TFIP11: variants seen among roughly 807,000 people sequenced by gnomAD.
TFIP11 encodes the protein tuftelin interacting protein 11, also known as tuftelin-interacting protein 11.
Under a neutral mutation model 96.8 loss-of-function variants are expected in TFIP11, and 86 were observed. The ratio of observed to expected loss-of-function variants is 0.89; its 90% CI spans 0.75 to 1.06. The LOEUF is 1.06. TFIP11 is among the 50% of genes least tolerant of loss of function. The probability of loss-of-function intolerance (pLI) is 0.00; values close to 1 mark genes in which losing one functional copy is unlikely to be tolerated. For missense variants in TFIP11, 881 were observed against 1,076.7 expected (o/e 0.82, Z 2.54); for synonymous variants, 405 against 395.2 (o/e 1.02, Z -0.29).
chr22:26,507,741 A>G (rs1923593036), intron 4 of TFIP11, among the ~76,000 whole-genome samples: 1 of 152,178 alleles, frequency 6.6e-6, no homozygotes, highest in Non-Finnish European at 1.5e-5. Context: ...TCAAGTACTT[A>G]CATTAAGCCA....
At position 26,499,161 on chromosome 22, in the gene TFIP11, A is replaced by G. The variant is rs145515859; in HGVS notation, c.1272T>C (p.Ala424=). ...TCATGAGTGGATAGACGATGGCCACAGCAAGGTCCACACGGTCGGACATCC... is the reference window on the plus strand; with the variant it reads ...TCATGAGTGGATAGACGATGGCCACGGCAAGGTCCACACGGTCGGACATCC... ...EYRMSDRVDL[A]VAIVYPLMKE... is the part of the protein sequence containing the mutation. The change falls in exon 9 of 15, where the codon GCT becomes GCC. Residue 424 remains alanine, a synonymous_variant. Transcript: ENST00000407690. 554 of 1,604,080 alleles carry G rather than the reference A, an allele frequency of 3.5e-4. 1 individual carries two copies. In the African/African-American group the frequency reaches 6.8e-3, roughly 20 times the overall value.
At chr22:26,494,773 A>G in intron 13 of TFIP11, 24 bp downstream of exon 13, 1 of 1,614,078 alleles carries the variant, frequency 6.2e-7, no homozygotes, top group Non-Finnish European at 8.5e-7. Flanking sequence ...CCTCCCCCAG[A>G]AATCCAAGCA....
rs138882358 is a variant in TFIP11 at position 26,501,202 on chromosome 22, A to G, written c.801+698T>C. Among the ~76,000 whole-genome samples, 865 of 152,270 alleles carry G rather than the reference A, an allele frequency of 5.7e-3. 5 individuals carry two copies. Among genetic ancestry groups the G allele is most frequent in the Middle Eastern group, 0.01 (3 of 294 alleles). On this transcript the variant is annotated intron_variant, in intron 8 of 14. Coordinates refer to ENST00000407690, the MANE Select transcript of TFIP11 (RefSeq NM_012143.4). ...AGCCAAGTAATGGAAAACTTAATAC[A>G]CTACATGGACGTAACAGTGGCTGAA...
chr22:26,510,003 CCT>C, intron 4 of TFIP11, 59 bp downstream of exon 4: 1 of 1,568,940 alleles, frequency 6.4e-7, no homozygotes, highest in East Asian at 2.2e-5. Context: ...TCCTCCACTC[CCT>C]GTCCATCTTC....
intron 4 of TFIP11, among the ~76,000 whole-genome samples, chr22:26,509,229 A>G (rs767328276): frequency 6.6e-6 from 1 of 152,112 alleles, no homozygotes; most frequent in Non-Finnish European, 1.5e-5. Flanking sequence ...AGCCTTTCAT[A>G]TCCTTGTGGA....
intron 12 of TFIP11, among the ~76,000 whole-genome samples, chr22:26,495,817 C>T (rs991992322): frequency 1.3e-5 from 2 of 151,888 alleles, no homozygotes; most frequent in Non-Finnish European, 2.9e-5. Context: ...CAAAACCAAT[C>T]GGGAAAACCA....
intron 6 of TFIP11, among the ~76,000 whole-genome samples, chr22:26,505,491 C>G (rs887982495): frequency 2.0e-5 from 3 of 152,146 alleles, no homozygotes; most frequent in Non-Finnish European, 4.4e-5. Context: ...TCAAATGACT[C>G]TGGGACCAAG....
intron 7 of TFIP11, among the ~76,000 whole-genome samples, chr22:26,503,173 T>A (rs936402180): frequency 6.6e-6 from 1 of 152,172 alleles, no homozygotes; most frequent in Non-Finnish European, 1.5e-5. Context: ...ATGGCTGTCA[T>A]GGCTGTCTTG....
chr22:26,510,461 T>C (rs1923915839), intron 3 of TFIP11, among the ~76,000 whole-genome samples, 156 bp downstream of exon 3: 1 of 152,242 alleles, frequency 6.6e-6, no homozygotes, highest in Admixed American at 6.5e-5. Flanking sequence ...TAACAATCAG[T>C]ACTAAAACAG....
At chr22:26,501,125 C>T (rs1456024636) in intron 8 of TFIP11, among the ~76,000 whole-genome samples, 1 of 152,148 alleles carries the variant, frequency 6.6e-6, no homozygotes, top group African/African-American at 2.4e-5. Context: ...TTGTGATCTG[C>T]CCGCCTAGGC....
In TFIP11 at chr22:26,498,992, G is replaced by A; in HGVS notation, c.1330-17C>T. On this transcript the variant is annotated splice_polypyrimidine_tract_variant and intron_variant, in intron 9 of 14. Transcript: ENST00000407690. Reference sequence around the variant, plus strand: ...AGTGCAGTCCTGAGGAGAAAGGTGAGCAGTTGAGGGGCAGCGGGCTCTCCA... The same window carrying A: ...AGTGCAGTCCTGAGGAGAAAGGTGAACAGTTGAGGGGCAGCGGGCTCTCCA... 2 of 1,613,274 alleles carry A rather than the reference G, an allele frequency of 1.2e-6. No homozygotes were observed. The highest frequency in any genetic ancestry group is 1.7e-6 in the Non-Finnish European group (2 of 1,179,342).
chr22:26,491,920 G>A lies in TFIP11; in HGVS notation c.*93C>T, dbSNP rs1333558747. The A allele has an allele frequency of 3.1e-6, 4 of 1,289,620 alleles. No individual in the cohort carries two copies. Among genetic ancestry groups the A allele is most frequent in the South Asian group, 2.9e-5 (2 of 69,050 alleles). The allele number at this position is 1,289,620 out of a possible 1,614,324, so 79.9% of individuals were successfully genotyped here. A position where few individuals can be genotyped will look rare whatever the true frequency, so the allele number is the denominator to read the frequency against. On this transcript the variant is annotated 3_prime_UTR_variant, in exon 15 of 15. Transcript: ENST00000407690. ...TGTGGAGTAGCTCCTGAGTAAAGAAGTTACCCTTTTGAAGGTGATCTAAAA... is the reference window on the plus strand; with the variant it reads ...TGTGGAGTAGCTCCTGAGTAAAGAAATTACCCTTTTGAAGGTGATCTAAAA...
chr22:26,496,738 G>A lies in TFIP11; in HGVS notation c.1588C>T (p.Pro530Ser), dbSNP rs148213129. ...CATCCCACCTCCTTTTGCAGCTTGG[G>A]GAAGATGAGTTGGTCCAGTATGTTA... ...LDNILDQLIF[P>S]KLQKEVENWN... is the part of the protein sequence containing the mutation. Residue 530 changes from proline to serine, a missense_variant, in exon 11 of 15, where the codon CCC becomes TCC. Coordinates refer to ENST00000407690, the MANE Select transcript of TFIP11 (RefSeq NM_012143.4). 2.5e-6 allele frequency: 4 copies of A among 1,614,068 alleles called. No individual in the cohort carries two copies. The African/African-American group carries it at 4.0e-5, about 16-fold the overall frequency.
chr22:26,494,463 G>T lies in TFIP11; in HGVS notation c.1993-159C>A, dbSNP rs1921661880. On this transcript the variant is annotated intron_variant, in intron 13 of 14. Transcript: ENST00000407690. ...AAACAGTCTAGCACTTATGAATATG[G>T]ATTTTGGAGTCAGCCTGGTAGCTAA... is the stretch of plus-strand genomic sequence containing the variant. 4.4e-6 allele frequency: 4 copies of T among 905,764 alleles called. No homozygotes were observed. The African/African-American group carries it at 5.0e-5, about 11-fold the overall frequency. 56.1% of individuals were successfully genotyped at this position (905,764 alleles called of 1,614,324 possible).
chr22:26,500,970 G>A (rs1922716587), intron 8 of TFIP11, among the ~76,000 whole-genome samples: 2 of 134,110 alleles, frequency 1.5e-5, no homozygotes, highest in African/African-American at 2.8e-5. Context: ...TGCAAGCTCC[G>A]CCTCCTGAGT....
At chr22:26,503,563 A>G (rs1923043785) in intron 7 of TFIP11, 103 bp downstream of exon 7, 2 of 1,452,230 alleles carry the variant, frequency 1.4e-6, no homozygotes, top group South Asian at 1.3e-5. Context: ...CATACGGTAC[A>G]TGTACAATAA....
At chr22:26,492,481 G>A in intron 14 of TFIP11, 113 bp from the exon 15 acceptor site, 3 of 906,566 alleles carry the variant, frequency 3.3e-6, no homozygotes, top group South Asian at 1.6e-5. Context: ...ACTCACTGAA[G>A]GGCAGCTCTG....
chr22:26,496,793 C>T lies in TFIP11; in HGVS notation c.1533G>A (p.Trp511Ter), dbSNP rs969618562. ...AGATCCACACAGGAATAATGTGCAC[C>T]CAACTATCCAAAAAGTCCACCATCG... ...CDPMVDFLDS[W>*]VHIIPVWILD... Residue 511 changes from tryptophan to a stop codon, truncating the protein, a stop_gained, in exon 11 of 15, where the codon TGG becomes TGA. Coordinates refer to ENST00000407690, the MANE Select transcript of TFIP11 (RefSeq NM_012143.4). LOFTEE classifies it high-confidence loss of function. The T allele has an allele frequency of 6.2e-7, 1 of 1,614,082 alleles. No homozygotes were observed. Among genetic ancestry groups the T allele is most frequent in the Admixed American group, 1.7e-5 (1 of 60,022 alleles).
chr22:26,509,971 G>A (rs1445650894), intron 4 of TFIP11, 93 bp downstream of exon 4: 25 of 1,337,484 alleles, frequency 1.9e-5, no homozygotes, highest in Admixed American at 7.0e-5. Context: ...GGCCAGGTGA[G>A]AAGTATACTT....
Sources: allele counts gnomAD v4.1 joint callset (sites outside exome capture counted in the v4.1 genomes callset), GRCh38; gene constraint gnomAD v4.1.1; transcripts MANE v1.5; gene names NCBI Gene and HGNC (gene_info 2026-07-23, HGNC 2026-07-21).